The following GALNT13 variants were observed in gnomAD, a reference collection of about 807,000 sequenced individuals.
The protein encoded by GALNT13 is polypeptide N-acetylgalactosaminyltransferase 13.
A neutral mutation model predicts 64.2 loss-of-function variants in GALNT13; 28 were observed. That is an observed-to-expected ratio of 0.44 (90% CI 0.32 to 0.60). GALNT13 has a LOEUF of 0.60. Ranked by LOEUF, GALNT13 falls within the 20% of genes least tolerant of loss-of-function variation. The pLI is 0.05. For missense variants in GALNT13, 577 were observed against 669.8 expected (o/e 0.86, Z 1.53); for synonymous variants, 214 against 224.6 (o/e 0.95, Z 0.42).
the GALNT13 span, among the ~76,000 whole-genome samples, chr2:153,139,998 T>C: frequency 6.6e-6 from 1 of 151,990 alleles, no homozygotes; most frequent in Non-Finnish European, 1.5e-5. Flanking sequence ...ACTTACAAAC[T>C]TCTTTATTCT....
chr2:153,312,986 A>T, the GALNT13 span, among the ~76,000 whole-genome samples: 1 of 152,206 alleles, frequency 6.6e-6, no homozygotes, highest in African/African-American at 2.4e-5. Context: ...CTTTATAGGG[A>T]CACAGCAATT....
At chr2:153,326,321 T>TC in the GALNT13 span, among the ~76,000 whole-genome samples, 1 of 145,138 alleles carries the variant, frequency 6.9e-6, no homozygotes. Context: ...TTTTTTTTTT[T>TC]CGCTTTCCAT....
At chr2:154,216,902 G>A (rs1688076152) in intron 4 of GALNT13, among the ~76,000 whole-genome samples, 3 of 147,028 alleles carry the variant, frequency 2.0e-5, no homozygotes, top group African/African-American at 7.5e-5. Flanking sequence ...AAAATCCTGG[G>A]CACAGCCTCC....
At chr2:153,410,209 C>A in the GALNT13 span, among the ~76,000 whole-genome samples, 6 of 152,070 alleles carry the variant, frequency 3.9e-5, no homozygotes, top group South Asian at 1.2e-3. Flanking sequence ...CCTCATCCCC[C>A]ACCTAGTGGC....
chr2:153,480,669 A>G, the GALNT13 span, among the ~76,000 whole-genome samples: 2 of 152,200 alleles, frequency 1.3e-5, no homozygotes, highest in African/African-American at 4.8e-5. Flanking sequence ...TATACATGGA[A>G]AAAATTACAA....
At chr2:154,206,322 G>T (rs1687450392) in intron 4 of GALNT13, among the ~76,000 whole-genome samples, 1 of 151,538 alleles carries the variant, frequency 6.6e-6, no homozygotes, top group African/African-American at 2.4e-5. Flanking sequence ...TATTTTTGTA[G>T]GAAAAATTTT....
chr2:153,209,710 C>T, the GALNT13 span, among the ~76,000 whole-genome samples: 6 of 152,032 alleles, frequency 3.9e-5, no homozygotes, highest in East Asian at 3.9e-4. Context: ...AAAATCCTGC[C>T]GGGATTTTGA....
the GALNT13 span, among the ~76,000 whole-genome samples, chr2:153,264,023 G>A: frequency 1.3e-5 from 2 of 152,088 alleles, no homozygotes; most frequent in Non-Finnish European, 2.9e-5. Flanking sequence ...CCACAGAATG[G>A]GAGAAAATTT....
chr2:153,804,281 A>G, the GALNT13 span, among the ~76,000 whole-genome samples: 2 of 152,130 alleles, frequency 1.3e-5, no homozygotes, highest in East Asian at 1.9e-4. Flanking sequence ...TGATCTTCCT[A>G]CCTCAGCCTT....
At chr2:154,355,800 T>C (rs1696708650) in intron 9 of GALNT13, among the ~76,000 whole-genome samples, 1 of 152,064 alleles carries the variant, frequency 6.6e-6, no homozygotes, top group Non-Finnish European at 1.5e-5. Context: ...CTTTGGACAC[T>C]GTGTTCTGAG....
intron 4 of GALNT13, among the ~76,000 whole-genome samples, chr2:154,241,288 T>A (rs934739275): frequency 2.6e-5 from 4 of 152,152 alleles, no homozygotes; most frequent in Non-Finnish European, 5.9e-5. Context: ...TCTGTAGGGG[T>A]GGAGCCCTAG....
the GALNT13 span, among the ~76,000 whole-genome samples, chr2:153,673,090 C>T: frequency 6.6e-6 from 1 of 152,066 alleles, no homozygotes; most frequent in Non-Finnish European, 1.5e-5. Flanking sequence ...AAACAAAGTC[C>T]AGGACCAGAT....
At chr2:154,313,400 T>A (rs1694155201) in intron 9 of GALNT13, among the ~76,000 whole-genome samples, 2 of 139,770 alleles carry the variant, frequency 1.4e-5, no homozygotes, top group Admixed American at 7.6e-5. Flanking sequence ...TATATATGTA[T>A]ATATACACCC....
chr2:153,378,084 G>C, the GALNT13 span, among the ~76,000 whole-genome samples: 7 of 152,120 alleles, frequency 4.6e-5, no homozygotes, highest in East Asian at 1.4e-3. Flanking sequence ...TTCAAATTCA[G>C]GGATAAAGTA....
chr2:154,382,540 G>T (rs1404194155), intron 9 of GALNT13, among the ~76,000 whole-genome samples: 1 of 152,028 alleles, frequency 6.6e-6, no homozygotes, highest in African/African-American at 2.4e-5. Context: ...CCCAGGAGCA[G>T]TATGTTACTC....
the GALNT13 span, among the ~76,000 whole-genome samples, chr2:153,771,840 G>A: frequency 5.3e-5 from 8 of 152,174 alleles, no homozygotes; most frequent in Middle Eastern, 3.2e-3. Flanking sequence ...TGGGTGTGAG[G>A]TGGAGAGAGG....
At chr2:153,392,699 C>T in the GALNT13 span, among the ~76,000 whole-genome samples, 5 of 152,112 alleles carry the variant, frequency 3.3e-5, no homozygotes, top group South Asian at 1.0e-3. Flanking sequence ...TCTTCTGAAT[C>T]CTAGTTAGTT....
the GALNT13 span, among the ~76,000 whole-genome samples, chr2:153,615,425 T>G: frequency 6.6e-6 from 1 of 152,160 alleles, no homozygotes; most frequent in South Asian, 2.1e-4. Context: ...GGTAGCTCAA[T>G]TTTTAGTTTT....
the GALNT13 span, among the ~76,000 whole-genome samples, chr2:153,344,543 T>C: frequency 6.6e-6 from 1 of 152,182 alleles, no homozygotes; most frequent in South Asian, 2.1e-4. Context: ...CAGGCTGGTG[T>C]GCAGTGGCGT....
Sources: gnomAD v4.1 joint callset for allele counts (sites outside exome capture counted in the v4.1 genomes callset) on GRCh38, gnomAD v4.1.1 for gene constraint, MANE v1.5 for transcripts, NCBI Gene and HGNC (gene_info 2026-07-23, HGNC 2026-07-21) for gene names.